The following TARBP1 variants were observed in gnomAD, a reference collection of about 807,000 sequenced individuals.
TARBP1 encodes tRNA guanosine 2 -O-methyltransferase TARBP1.
In TARBP1, 144 loss-of-function variants were observed where a neutral mutation model predicts 178.6. The ratio of observed to expected loss-of-function variants is 0.81; its 90% CI spans 0.70 to 0.93. TARBP1 has a LOEUF of 0.93. Ranked by LOEUF, TARBP1 falls within the 40% of genes least tolerant of loss-of-function variation. TARBP1 has a pLI of 0.00. For synonymous variants in TARBP1, 787 were observed against 781.0 expected (o/e 1.01, Z -0.13); for missense variants, 2,067 against 2,011.7 (o/e 1.03, Z -0.53).
chr1:234,395,795 G>C (rs1278979508), intron 26 of TARBP1, among the ~76,000 whole-genome samples: 1 of 152,140 alleles, frequency 6.6e-6, no homozygotes, highest in Non-Finnish European at 1.5e-5. Flanking sequence ...GTGGCAGGAG[G>C]AGAGGTTGGT....
In TARBP1 at chr1:234,429,224, A is replaced by C; in HGVS notation, c.2972T>G (p.Leu991Ter). The change falls in exon 17 of 30, where the codon TTA (leucine) becomes TGA (stop). Residue 991 changes from leucine (L) to a stop codon, truncating the protein, a stop_gained. Transcript: ENST00000040877. LOFTEE classifies it high-confidence loss of function. ...AAAAACAAACTGAACAAAAGCTTTT[A>C]AATTAGCCCAGAATATCAGCTGAGT... Reference protein sequence around the residue: ...SNTQLIFWANLKAFVQFVFDN... With the variant: ...SNTQLIFWAN The C allele has an allele frequency of 1.2e-6, 2 of 1,610,200 alleles. No homozygotes were observed. Among genetic ancestry groups the C allele is most frequent in the Non-Finnish European group, 1.7e-6 (2 of 1,179,138 alleles).
At chr1:234,454,878 C>T (rs1667128025) in intron 9 of TARBP1, among the ~76,000 whole-genome samples, 1 of 152,110 alleles carries the variant, frequency 6.6e-6, no homozygotes, top group Non-Finnish European at 1.5e-5. Flanking sequence ...CAGATGGGGA[C>T]ATTATGCTGG....
intron 9 of TARBP1, among the ~76,000 whole-genome samples, chr1:234,455,823 A>C (rs1407678032): frequency 6.6e-6 from 1 of 152,220 alleles, no homozygotes; most frequent in Non-Finnish European, 1.5e-5. Context: ...CAATATAAAA[A>C]GAGCACTTAC....
intron 24 of TARBP1, chr1:234,405,204 T>G (rs890885722): frequency 4.6e-5 from 7 of 151,974 alleles, no homozygotes; most frequent in African/African-American, 1.7e-4. Context: ...TGCCTGTGTC[T>G]CTAAAATTTA....
chr1:234,468,192 C>A (rs113304176), intron 3 of TARBP1, among the ~76,000 whole-genome samples: 4,112 of 152,192 alleles, frequency 0.027, 76 homozygotes, highest in South Asian at 0.079. Flanking sequence ...GTGGCTCATG[C>A]CTGTAATCCA....
intron 22 of TARBP1, among the ~76,000 whole-genome samples, chr1:234,415,750 C>T (rs890356878): frequency 2.0e-5 from 3 of 152,196 alleles, no homozygotes. Context: ...CTGAAGGCAC[C>T]GTGTGTCCAG....
At chr1:234,398,930 C>T (rs908197069) in intron 25 of TARBP1, among the ~76,000 whole-genome samples, 40 of 152,200 alleles carry the variant, frequency 2.6e-4, no homozygotes, top group African/African-American at 9.7e-4. Flanking sequence ...AGTTCAAGCT[C>T]TTTTCATGAC....
At chr1:234,394,997 G>T (rs1354326924) in intron 26 of TARBP1, among the ~76,000 whole-genome samples, 1 of 151,878 alleles carries the variant, frequency 6.6e-6, no homozygotes, top group Non-Finnish European at 1.5e-5. Flanking sequence ...GCCAAGGCGG[G>T]AGGATCACCT....
intron 22 of TARBP1, among the ~76,000 whole-genome samples, chr1:234,413,582 A>G (rs1036361677): frequency 1.3e-5 from 2 of 152,234 alleles, no homozygotes; most frequent in Non-Finnish European, 2.9e-5. Context: ...TAGACCACAC[A>G]GAGAGACTAG....
chr1:234,464,775 T>C (rs1441424088), intron 5 of TARBP1, among the ~76,000 whole-genome samples: 1 of 152,258 alleles, frequency 6.6e-6, no homozygotes, highest in East Asian at 1.9e-4. Flanking sequence ...AACTATAAAT[T>C]TAGTTAATAT....
chr1:234,429,771 G>A (rs961650326), intron 15 of TARBP1, 94 bp from the exon 16 acceptor site: 12 of 1,311,002 alleles, frequency 9.2e-6, no homozygotes, highest in South Asian at 4.3e-5. Context: ...AGGTGGGGGG[G>A]GGGGGGCAGT....
At chr1:234,465,622 G>T (rs751356521) in intron 5 of TARBP1, 34 bp downstream of exon 5, 4 of 1,470,656 alleles carry the variant, frequency 2.7e-6, no homozygotes, top group East Asian at 2.7e-5. Flanking sequence ...TGAAATGTAT[G>T]TATCAAATAC....
At position 234,478,965 on chromosome 1, in the gene TARBP1, C is replaced by T. The variant is rs2103333975; in HGVS notation, c.139G>A (p.Glu47Lys). 2.7e-6 allele frequency: 4 copies of T among 1,469,060 alleles called. No homozygotes were observed. The highest frequency in any genetic ancestry group is 1.3e-5 in the South Asian group (1 of 77,578). The allele number at this position is 1,469,060 out of a possible 1,614,324, so 91.0% of individuals were successfully genotyped here. ...CCTGCGCCCCCGCTGCCGCGCGCCTCCTCGTCCTCGAGCCGCTGCAGAAGG... is the reference window on the plus strand; with the variant it reads ...CCTGCGCCCCCGCTGCCGCGCGCCTTCTCGTCCTCGAGCCGCTGCAGAAGG... The part of the protein sequence containing the change: ...RFLLQRLEDE[E>K]ARGSGGAGAL... The change falls in exon 1 of 30, where the codon GAG (glutamate) becomes AAG (lysine). Residue 47 changes from glutamate to lysine, a missense_variant. Physicochemically the swap from Glu to Lys is moderately conservative, Grantham distance 56. Coordinates refer to ENST00000040877, the MANE Select transcript of TARBP1 (RefSeq NM_005646.4).
chr1:234,429,788 A>G (rs1188674709), intron 15 of TARBP1, 111 bp from the exon 16 acceptor site: 1 of 1,228,750 alleles, frequency 8.1e-7, no homozygotes. Context: ...CAGTGTACAG[A>G]TATAAATGGT....
At chr1:234,448,441 T>C (rs1410626120) in intron 11 of TARBP1, 39 bp downstream of exon 11, 11 of 1,568,156 alleles carry the variant, frequency 7.0e-6, no homozygotes, top group Non-Finnish European at 7.9e-6. Context: ...CATCAGGATT[T>C]TTCAAATAGG....
At chr1:234,435,845 G>A (rs1483988433) in intron 13 of TARBP1, among the ~76,000 whole-genome samples, 1 of 152,124 alleles carries the variant, frequency 6.6e-6, no homozygotes, top group Non-Finnish European at 1.5e-5. Flanking sequence ...CCAACTCAGT[G>A]GCCTCACATT....
chr1:234,468,412 G>A (rs187579377), intron 3 of TARBP1, among the ~76,000 whole-genome samples: 1 of 152,176 alleles, frequency 6.6e-6, no homozygotes, highest in East Asian at 1.9e-4. Context: ...AGGTTAGAGT[G>A]AGCCCAGGCC....
Position 234,429,337 on chromosome 1 carries a change from A to G in TARBP1, c.2872-13T>C. On this transcript the variant is annotated splice_polypyrimidine_tract_variant and intron_variant, in intron 16 of 29. Transcript: ENST00000040877. ...AGGAAGTCAGAAGCTGGTAGGAAAA[A>G]AAAAAATACATACTTATTTCAAAAA... 6.4e-7 allele frequency: 1 copy of G among 1,567,872 alleles called. No homozygotes were observed. The highest frequency in any genetic ancestry group is 8.6e-7 in the Non-Finnish European group (1 of 1,164,500).
chr1:234,448,700 G>A (rs270526), intron 10 of TARBP1, 121 bp from the exon 11 acceptor site: 117,285 of 720,072 alleles, frequency 0.16, 11,441 homozygotes, highest in African/African-American at 0.37. Context: ...AAATACAACC[G>A]AGATGAACTA....
Sources: gnomAD v4.1 joint callset for allele counts (sites outside exome capture counted in the v4.1 genomes callset) on GRCh38, gnomAD v4.1.1 for gene constraint, MANE v1.5 for transcripts, NCBI Gene and HGNC (gene_info 2026-07-23, HGNC 2026-07-21) for gene names.